IL5RA: variants seen among roughly 807,000 people sequenced by gnomAD.
IL5RA encodes interleukin 5 receptor subunit alpha, also known as interleukin-5 receptor subunit alpha.
Under a neutral mutation model 50.0 loss-of-function variants are expected in IL5RA, and 49 were observed. The observed-to-expected ratio is 0.98, with a 90% CI of 0.78 to 1.24. IL5RA has a LOEUF of 1.24. Among genes scored for constraint, IL5RA ranks in the 50% most tolerant of loss-of-function variants. The pLI, the probability that IL5RA is intolerant of heterozygous loss-of-function variation, is 0.00. For synonymous variants in IL5RA, 202 were observed against 174.0 expected (o/e 1.16, Z -1.26); for missense variants, 600 against 500.4 (o/e 1.20, Z -1.90).
chr3:3,090,270 A>C (rs535999218), intron 9 of IL5RA: 1 of 1,561,026 alleles, frequency 6.4e-7, no homozygotes, highest in African/African-American at 1.4e-5. Context: ...GGAAACAGAG[A>C]GAAATTATTT....
chr3:3,074,020 A>T (rs1037173986), intron 11 of IL5RA, among the ~76,000 whole-genome samples: 9 of 152,248 alleles, frequency 5.9e-5, no homozygotes, highest in African/African-American at 2.2e-4. Flanking sequence ...TCCTACAGAA[A>T]TGCCAAGGCA....
chr3:3,084,782 C>A (rs534904274), intron 9 of IL5RA, among the ~76,000 whole-genome samples: 1 of 152,268 alleles, frequency 6.6e-6, no homozygotes, highest in Non-Finnish European at 1.5e-5. Context: ...AGTTCCTTCA[C>A]CTCTCTGCAT....
chr3:3,094,852 C>T (rs749645333), intron 8 of IL5RA, among the ~76,000 whole-genome samples: 18 of 152,122 alleles, frequency 1.2e-4, no homozygotes, highest in Middle Eastern at 6.8e-3. Flanking sequence ...CCCCTGCCCC[C>T]GAGTAGCTGG....
At chr3:3,100,995 T>TAAC (rs554427805) in intron 5 of IL5RA, among the ~76,000 whole-genome samples, 1 of 108,626 alleles carries the variant, frequency 9.2e-6, no homozygotes, top group South Asian at 3.2e-4. Context: ...ATAATAATAA[T>TAAC]AATAATAATA....
At chr3:3,088,632 C>G (rs1475931638) in intron 9 of IL5RA, among the ~76,000 whole-genome samples, 3 of 152,210 alleles carry the variant, frequency 2.0e-5, no homozygotes, top group Non-Finnish European at 4.4e-5. Context: ...AAATTCTCTA[C>G]AGTCAACATT....
chr3:3,109,142 C>T (rs1224516391), intron 1 of IL5RA, among the ~76,000 whole-genome samples: 1 of 149,706 alleles, frequency 6.7e-6, no homozygotes, highest in Non-Finnish European at 1.5e-5. Context: ...TCTCCTTTTT[C>T]CCCCTTTTTT....
At chr3:3,105,806 A>G (rs1233975138) in intron 2 of IL5RA, among the ~76,000 whole-genome samples, 3 of 152,214 alleles carry the variant, frequency 2.0e-5, no homozygotes, top group African/African-American at 7.2e-5. Flanking sequence ...ATCCTGTTCT[A>G]CATGTCAAAG....
chr3:3,095,557 A>C, intron 7 of IL5RA, 113 bp from the exon 8 acceptor site: 1 of 873,976 alleles, frequency 1.1e-6, no homozygotes, highest in South Asian at 1.5e-5. Context: ...CTTTTTTCAA[A>C]TATTTACCAT....
At chr3:3,071,274 G>T (rs886149763) in intron 11 of IL5RA, among the ~76,000 whole-genome samples, 9 of 152,092 alleles carry the variant, frequency 5.9e-5, no homozygotes, top group African/African-American at 2.2e-4. Flanking sequence ...AATTGGAGGA[G>T]GAACCCTCTC....
At chr3:3,088,928 T>C (rs965210564) in intron 9 of IL5RA, among the ~76,000 whole-genome samples, 16 of 152,176 alleles carry the variant, frequency 1.1e-4, no homozygotes, top group African/African-American at 3.9e-4. Flanking sequence ...TTTGACAAAA[T>C]TAATGACCTT....
rs118135584 is a variant in IL5RA, at chr3:3,066,622, T to C, written c.*3603A>G. On this transcript the variant is annotated 3_prime_UTR_variant, in exon 12 of 12. Transcript: ENST00000446632. ...TCACTTCCAGATATCTACTTTTTCT[T>C]TAACAAATTAGCACCTCAGGCTTCT... 3.9e-5 allele frequency: 6 copies of C among 152,362 alleles called. No homozygotes were observed. In the East Asian group the frequency reaches 1.2e-3, roughly 29 times the overall value. The allele number at this position is 152,362 out of a possible 1,614,324, so 9.4% of individuals were successfully genotyped here.
chr3:3,090,199 A>C, intron 9 of IL5RA: 2 of 1,611,436 alleles, frequency 1.2e-6, no homozygotes, highest in South Asian at 2.2e-5. Context: ...TGTTGTTTTT[A>C]TTTCAGATAC....
At chr3:3,106,456 C>A (rs936693016) in intron 2 of IL5RA, among the ~76,000 whole-genome samples, 1 of 152,058 alleles carries the variant, frequency 6.6e-6, no homozygotes, top group Non-Finnish European at 1.5e-5. Flanking sequence ...TCACTCAATT[C>A]CTTGTCAAAT....
Position 3,092,574 on chromosome 3 carries a change from A to G in IL5RA, c.856-212T>C, listed in dbSNP as rs1198914011. Among the ~76,000 whole-genome samples, 3 of 152,128 alleles carry G rather than the reference A, an allele frequency of 2.0e-5. No homozygotes were observed. The highest frequency in any genetic ancestry group is 4.4e-5 in the Non-Finnish European group (3 of 68,020). ...CAGTGGAACGCTATCTTGTAACCAA[A>G]ATATACGAAATGATCAACGGTCAAG... On this transcript the variant is annotated intron_variant, in intron 8 of 11. Coordinates refer to ENST00000446632, the MANE Select transcript of IL5RA (RefSeq NM_175726.4). This position sits in a 1 kb window ranked among gnomAD's most constrained non-coding sequence, Gnocchi z 4.2.
At chr3:3,106,397 A>C (rs1250610591) in intron 2 of IL5RA, among the ~76,000 whole-genome samples, 1 of 152,190 alleles carries the variant, frequency 6.6e-6, no homozygotes, top group African/African-American at 2.4e-5. Context: ...TGAACTTACT[A>C]ATGAAATTGG....
At chr3:3,095,016 C>T (rs7635810) in intron 8 of IL5RA, among the ~76,000 whole-genome samples, 61,682 of 151,722 alleles carry the variant, frequency 0.41, 13,170 homozygotes, top group South Asian at 0.55. Flanking sequence ...CGTGAGTCAC[C>T]CCACCCGTCT....
At chr3:3,079,828 G>A (rs889148107) in intron 9 of IL5RA, among the ~76,000 whole-genome samples, 4 of 152,162 alleles carry the variant, frequency 2.6e-5, no homozygotes, top group African/African-American at 4.8e-5. Flanking sequence ...GAGGTCAGGC[G>A]TTTGAGACCA....
At chr3:3,091,248 G>A (rs1703085305) in intron 9 of IL5RA, among the ~76,000 whole-genome samples, 2 of 152,156 alleles carry the variant, frequency 1.3e-5, no homozygotes, top group South Asian at 2.1e-4. Context: ...TTAGGTATGG[G>A]AAAATCGAAG....
At chr3:3,078,719 A>G (rs867032616) in intron 9 of IL5RA, among the ~76,000 whole-genome samples, 2 of 152,010 alleles carry the variant, frequency 1.3e-5, no homozygotes, top group South Asian at 4.1e-4. Flanking sequence ...TTGTAGTCCC[A>G]GCTACTCAGG....
Sources: gnomAD v4.1 joint callset for allele counts (sites outside exome capture counted in the v4.1 genomes callset) on GRCh38, gnomAD v4.1.1 for gene constraint, Gnocchi (gnomAD v3.1) non-coding constraint, MANE v1.5 for transcripts, NCBI Gene and HGNC (gene_info 2026-07-23, HGNC 2026-07-21) for gene names.